Variants in FLVCR1 observed in about 807,000 individuals in gnomAD.
FLVCR1 encodes FLVCR choline and heme transporter 1, also known as choline/ethanolamine transporter FLVCR1.
A neutral mutation model predicts 53.6 loss-of-function variants in FLVCR1; 34 were observed. That is an observed-to-expected ratio of 0.63 (90% CI 0.48 to 0.84). FLVCR1 has a LOEUF of 0.84. Ranked by LOEUF, FLVCR1 falls within the 40% of genes least tolerant of loss-of-function variation. The pLI, the probability that FLVCR1 is intolerant of heterozygous loss-of-function variation, is 0.00. For missense variants in FLVCR1, 677 were observed against 696.7 expected (o/e 0.97, Z 0.32); for synonymous variants, 300 against 286.3 (o/e 1.05, Z -0.48).
intron 1 of FLVCR1, among the ~76,000 whole-genome samples, chr1:212,860,350 G>GCTTTTTTTTTTTTTTTTTTTT (rs1664185476): frequency 1.2e-5 from 1 of 85,824 alleles, no homozygotes; most frequent in East Asian, 4.1e-4. Context: ...TGTGTGTGTG[G>GCTTTTTTTTTTTTTTTTTTTT]TTTTTTTTTT....
chr1:212,888,378 A>G (rs1363974374), intron 6 of FLVCR1, 111 bp from the exon 7 acceptor site: 1 of 791,696 alleles, frequency 1.3e-6, no homozygotes, highest in Admixed American at 1.9e-5. Context: ...CAACTTCAAA[A>G]TATTCACTTA....
chr1:212,889,755 C>CA (rs386369572), intron 8 of FLVCR1, among the ~76,000 whole-genome samples: 26,668 of 111,464 alleles, frequency 0.24, 3,801 homozygotes, highest in Admixed American at 0.43. Context: ...GACTCTGTCT[C>CA]AAAAAAAAAA....
chr1:212,893,499 A>C (rs535965282), intron 8 of FLVCR1, among the ~76,000 whole-genome samples: 9 of 152,338 alleles, frequency 5.9e-5, no homozygotes, highest in African/African-American at 2.2e-4. Context: ...GTTTGAGAGG[A>C]TCAACTCCTG....
chr1:212,889,373 A>G, intron 8 of FLVCR1, 116 bp downstream of exon 8: 1 of 723,846 alleles, frequency 1.4e-6, no homozygotes, highest in Middle Eastern at 2.4e-4. Context: ...AAAAAGCAGG[A>G]CATTATTTGT....
In FLVCR1 at chr1:212,887,873, T is replaced by G; in HGVS notation, c.1197-18T>G. The G allele has an allele frequency of 2.4e-6, 3 of 1,253,332 alleles. No individual in the cohort carries two copies. The highest frequency in any genetic ancestry group is 3.5e-6 in the Non-Finnish European group (3 of 853,814). The allele number at this position is 1,253,332 out of a possible 1,614,324, so 77.6% of individuals were successfully genotyped here. On this transcript the variant is annotated intron_variant, in intron 5 of 9. Coordinates refer to ENST00000366971, the MANE Select transcript of FLVCR1 (RefSeq NM_014053.4). ...AGAATCAGACAAAATACTAACAGCT[T>G]TGTTGTTTTTGTTTTAGACAGACTA...
At chr1:212,885,428 A>G in intron 5 of FLVCR1, 32 bp downstream of exon 5, 1 of 1,477,238 alleles carries the variant, frequency 6.8e-7, no homozygotes, top group Non-Finnish European at 9.5e-7. Context: ...TATGGTGTAT[A>G]ACCAAAGGTA....
rs776320751 is a variant in FLVCR1, at chr1:212,889,250, A to T, written c.1518A>T (p.Ile506=). The T allele has an allele frequency of 6.2e-7, 1 of 1,603,408 alleles. No homozygotes were observed. The highest frequency in any genetic ancestry group is 1.1e-5 in the South Asian group (1 of 90,868). Residue 506 remains isoleucine, a synonymous_variant, in exon 8 of 10, where the codon ATA becomes ATT. Coordinates refer to ENST00000366971, the MANE Select transcript of FLVCR1 (RefSeq NM_014053.4). ...GTGTCTGGATGTTTATAGGCATCAT[A>T]TTAACAGGTAAATTAGGGCGTTTGC... ...FLCVWMFIGI[I]LTALIKSDLR...
Position 212,858,305 on chromosome 1 carries a change from AT to A in FLVCR1, c.-146del, listed in dbSNP as rs1664082012. The stretch of plus-strand genomic sequence containing the variant: ...TTCATCTGTTCACGCGGTAGCGCGG[AT>A]TGCGGTTCGCGGCGCGCGCCACCGG... On this transcript the variant is annotated 5_prime_UTR_variant, in exon 1 of 10. It adds an upstream start codon to the 5' untranslated region. Transcript: ENST00000366971. 6.5e-6 allele frequency: 5 copies of A among 768,202 alleles called. No homozygotes were observed. Among genetic ancestry groups the A allele is most frequent in the Non-Finnish European group, 9.8e-6 (5 of 507,930 alleles). 47.6% of individuals were successfully genotyped at this position (768,202 alleles called of 1,614,324 possible).
At chr1:212,893,920 T>A (rs1665266897) in intron 8 of FLVCR1, among the ~76,000 whole-genome samples, 1 of 152,010 alleles carries the variant, frequency 6.6e-6, no homozygotes, top group African/African-American at 2.4e-5. Flanking sequence ...GGATTACAGA[T>A]GCCCACCACC....
chr1:212,867,928 T>C (rs10864016), intron 2 of FLVCR1, among the ~76,000 whole-genome samples: 69,926 of 150,946 alleles, frequency 0.46, 17,380 homozygotes, highest in Non-Finnish European at 0.55. Context: ...CTCAGCCTCC[T>C]GAGTAGCTGG....
At chr1:212,863,894 C>T (rs775168800) in intron 2 of FLVCR1, 25 bp downstream of exon 2, 1 of 1,596,726 alleles carries the variant, frequency 6.3e-7, no homozygotes, top group Non-Finnish European at 8.6e-7. Flanking sequence ...TTCCCTAAAG[C>T]TTAAATGAAT....
At chr1:212,861,556 G>C (rs181812242) in intron 1 of FLVCR1, among the ~76,000 whole-genome samples, 4 of 152,168 alleles carry the variant, frequency 2.6e-5, no homozygotes, top group Admixed American at 1.3e-4. Context: ...AGTAAATTAC[G>C]TGGTCTCCCC....
In FLVCR1 at chr1:212,895,254, G is replaced by T. The variant is rs751409998; in HGVS notation, c.1632G>T (p.Thr544=). 1.1e-5 allele frequency: 17 copies of T among 1,613,326 alleles called. No individual in the cohort carries two copies. In the Admixed American group the frequency reaches 2.0e-4, roughly 19 times the overall value. Residue 544 remains threonine (T), a synonymous_variant, in exon 10 of 10, where the codon ACG becomes ACT. Coordinates refer to ENST00000366971, the MANE Select transcript of FLVCR1 (RefSeq NM_014053.4). Reference sequence around the variant, plus strand: ...GTCCCACAGACCAAGAACCAAAAACGGTTATGTTGTCCAAGCAGTCAGAAT... The same window carrying T: ...GTCCCACAGACCAAGAACCAAAAACTGTTATGTTGTCCAAGCAGTCAGAAT... ...ADSPTDQEPK[T]VMLSKQSESA... is the part of the protein sequence containing the mutation.
At chr1:212,862,714 T>C (rs1278897947) in intron 1 of FLVCR1, among the ~76,000 whole-genome samples, 3 of 152,234 alleles carry the variant, frequency 2.0e-5, no homozygotes, top group African/African-American at 7.2e-5. Context: ...GTAGAATTGC[T>C]AGGTCATATG....
At chr1:212,878,512 C>T (rs569209179) in intron 3 of FLVCR1, among the ~76,000 whole-genome samples, 10 of 128,256 alleles carry the variant, frequency 7.8e-5, no homozygotes, top group Admixed American at 1.9e-4. Context: ...CCAGCCTGGG[C>T]GACAGAGTGA....
At chr1:212,895,194 A>C (rs1665301149) in intron 9 of FLVCR1, 22 bp from the exon 10 acceptor site, 1 of 1,477,156 alleles carries the variant, frequency 6.8e-7, no homozygotes, top group Non-Finnish European at 9.4e-7. Context: ...ATACATTTTT[A>C]ATCTTCTGAT....
intron 5 of FLVCR1, among the ~76,000 whole-genome samples, chr1:212,886,538 G>T (rs1665070096): frequency 6.6e-6 from 1 of 152,102 alleles, no homozygotes; most frequent in African/African-American, 2.4e-5. Flanking sequence ...AATGTCTTAT[G>T]CCTGTAATCC....
rs1572001189 is a variant in FLVCR1 at position 212,858,482 on chromosome 1, G to A, written c.30G>A (p.Ala10=). The A allele has an allele frequency of 6.9e-7, 1 of 1,443,764 alleles. No homozygotes were observed. Among genetic ancestry groups the A allele is most frequent in the Non-Finnish European group, 9.1e-7 (1 of 1,103,274 alleles). The allele number at this position is 1,443,764 out of a possible 1,614,324, so 89.4% of individuals were successfully genotyped here. The change falls in exon 1 of 10, where the codon GCG becomes GCA. Residue 10 remains alanine, a synonymous_variant. Coordinates refer to ENST00000366971, the MANE Select transcript of FLVCR1 (RefSeq NM_014053.4). MARPDDEEG[A]AVAPGHPLAK... ...CGCGGCCAGACGATGAGGAGGGGGC[G>A]GCGGTGGCGCCCGGACACCCGCTCG...
At chr1:212,883,877 G>A (rs1185613560) in intron 4 of FLVCR1, among the ~76,000 whole-genome samples, 1 of 147,826 alleles carries the variant, frequency 6.8e-6, no homozygotes, top group Non-Finnish European at 1.5e-5. Flanking sequence ...CCATTTTAAA[G>A]TTCAGTTTGA....
Sources: gnomAD v4.1 joint callset for allele counts (sites outside exome capture counted in the v4.1 genomes callset) on GRCh38, gnomAD v4.1.1 for gene constraint, MANE v1.5 for transcripts, NCBI Gene and HGNC (gene_info 2026-07-23, HGNC 2026-07-21) for gene names.